Variants in EIF4B observed in about 807,000 individuals in gnomAD.
EIF4B encodes eukaryotic translation initiation factor 4B.
EIF4B carries 8 observed loss-of-function variants against 79.3 expected under a neutral mutation model. That is an observed-to-expected ratio of 0.10 (90% CI 0.06 to 0.18). The LOEUF is 0.18. Ranked by LOEUF, EIF4B falls within the 10% of genes least tolerant of loss-of-function variation. The probability of loss-of-function intolerance (pLI) is 1.00; values close to 1 mark genes in which losing one functional copy is unlikely to be tolerated. For missense variants in EIF4B, 515 were observed against 792.4 expected, an observed-to-expected ratio of 0.65 and a Z score of 4.20; for synonymous variants, 238 against 274.7, an observed-to-expected ratio of 0.87 and a Z score of 1.32.
chr12:53,022,744 TA>T (rs1451531997), intron 6 of EIF4B, 117 bp downstream of exon 6: 1 of 1,305,880 alleles, frequency 7.7e-7, no homozygotes, highest in African/African-American at 1.5e-5. Flanking sequence ...GAAAGCAGAT[TA>T]AGAAAAATTT....
At chr12:53,032,463 A>G (rs1179696220) in intron 8 of EIF4B, among the ~76,000 whole-genome samples, 2 of 152,140 alleles carry the variant, frequency 1.3e-5, no homozygotes, top group African/African-American at 4.8e-5. Flanking sequence ...CTTCCCTATC[A>G]TATTGTATTA....
chr12:53,019,433 A>ATTTTTTTTTTTTCTTTTTTTT (rs1565586158), intron 3 of EIF4B, among the ~76,000 whole-genome samples: 1 of 32,910 alleles, frequency 3.0e-5, no homozygotes. Context: ...TTATATATAT[A>ATTTTTTTTTTTTCTTTTTTTT]TATATTTTTT....
chr12:53,039,353 TTC>T lies in EIF4B; in HGVS notation c.1682+14_1682+15del, dbSNP rs1943591634. The T allele has an allele frequency of 2.6e-6, 4 of 1,561,412 alleles. No individual in the cohort carries two copies. The highest frequency in any genetic ancestry group is 3.5e-6 in the Non-Finnish European group (4 of 1,143,554). On this transcript the variant is annotated intron_variant, in intron 13 of 14. Coordinates refer to ENST00000262056, the MANE Select transcript of EIF4B (RefSeq NM_001417.7). ...GGAAGGAGTCAGATAGGTATGCTTG[TTC>T]TCTTTCTCATCTTTCCTCTGATCCA...
At position 53,037,863 on chromosome 12, in the gene EIF4B, A is replaced by G. The variant is rs1034919629; in HGVS notation, c.1520+241A>G. ...AGTACTAATGCCGCACAAATCTGCAAATACTGTAAGTCAGAGGCTTCCCTT... is the reference window on the plus strand; with the variant it reads ...AGTACTAATGCCGCACAAATCTGCAGATACTGTAAGTCAGAGGCTTCCCTT... On this transcript the variant is annotated intron_variant, in intron 11 of 14. Coordinates refer to ENST00000262056, the MANE Select transcript of EIF4B (RefSeq NM_001417.7). The G allele has an allele frequency of 2.6e-5, 14 of 543,936 alleles. No homozygotes were observed. The Admixed American group carries it at 3.5e-4, about 14-fold the overall frequency. The allele number at this position is 543,936 out of a possible 1,614,324, so 33.7% of individuals were successfully genotyped here. A position where few individuals can be genotyped will look rare whatever the true frequency, so the allele number is the denominator to read the frequency against.
intron 8 of EIF4B, among the ~76,000 whole-genome samples, chr12:53,028,402 C>T (rs1412829594): frequency 1.3e-5 from 2 of 151,844 alleles, no homozygotes; most frequent in Non-Finnish European, 2.9e-5. Flanking sequence ...GGTGAAACCC[C>T]GTCTCTACCA....
In EIF4B at chr12:53,033,656, C is replaced by T. The variant is rs186270694; in HGVS notation, c.980-150C>T. The T allele has an allele frequency of 1.0e-4, 88 of 875,262 alleles. No individual in the cohort carries two copies. In the African/African-American group the frequency reaches 1.4e-3, roughly 14 times the overall value. 54.2% of individuals were successfully genotyped at this position (875,262 alleles called of 1,614,324 possible). A position where few individuals can be genotyped will look rare whatever the true frequency, so the allele number is the denominator to read the frequency against. ...ATGCCCAGCCTAAACTACCTGTTTT[C>T]TAATGATCTATTTGCCTTCTGTGGA... On this transcript the variant is annotated intron_variant, in intron 8 of 14. Coordinates refer to ENST00000262056, the MANE Select transcript of EIF4B (RefSeq NM_001417.7).
At chr12:53,027,137 A>ATTATTATTATTATTATTATTTTTTTTT (rs1943349413) in intron 6 of EIF4B, among the ~76,000 whole-genome samples, 11 of 25,744 alleles carry the variant, frequency 4.3e-4, no homozygotes, top group African/African-American at 9.0e-4. Flanking sequence ...AAAAAAAAAA[A>ATTATTATTATTATTATTATTTTTTTTT]TTTTTTTTTT....
chr12:53,019,444 T>TTTC (rs1943207579), intron 3 of EIF4B, among the ~76,000 whole-genome samples: 6 of 102,028 alleles, frequency 5.9e-5, no homozygotes, highest in East Asian at 3.7e-4. Flanking sequence ...TATATTTTTT[T>TTTC]TTTTTCTTTT....
At chr12:53,034,781 G>GA in intron 10 of EIF4B, 72 bp downstream of exon 10, 1 of 1,527,770 alleles carries the variant, frequency 6.5e-7, no homozygotes, top group Non-Finnish European at 9.1e-7. Flanking sequence ...ATTATGCAGA[G>GA]ACCCTGCAAT....
intron 3 of EIF4B, among the ~76,000 whole-genome samples, chr12:53,019,450 C>CTTTTTCTTTTTTTTTT (rs1943208582): frequency 1.5e-5 from 1 of 65,998 alleles, no homozygotes; most frequent in Non-Finnish European, 3.1e-5. Context: ...TTTTTTTTTT[C>CTTTTTCTTTTTTTTTT]TTTTTTTTTT....
chr12:53,019,686 T>C (rs540747724), intron 3 of EIF4B, among the ~76,000 whole-genome samples: 177 of 149,684 alleles, frequency 1.2e-3, no homozygotes, highest in African/African-American at 4.2e-3. Flanking sequence ...TTTTTTTTTT[T>C]TTTTTTAGAG....
rs1565594315 is a variant in EIF4B at position 53,039,654 on chromosome 12, C to T, written c.1707C>T (p.Asp569=). The T allele has an allele frequency of 1.2e-6, 2 of 1,613,812 alleles. No individual in the cohort carries two copies. The highest frequency in any genetic ancestry group is 8.5e-7 in the Non-Finnish European group (1 of 1,179,828). The change falls in exon 14 of 15, where the codon GAC becomes GAT. Residue 569 remains aspartate (D), a synonymous_variant. Transcript: ENST00000262056. ...SDRKDGKKDQ[D]SRSAPEPKKP... ...GGAAAGATGGCAAAAAGGATCAAGACTCCAGATCTGCACCTGAGCCAAAGA... is the reference window on the plus strand; with the variant it reads ...GGAAAGATGGCAAAAAGGATCAAGATTCCAGATCTGCACCTGAGCCAAAGA...
rs1302962233 is a variant in EIF4B at position 53,037,440 on chromosome 12, A to G, written c.1338A>G (p.Leu446=). ...NARRRESEKS[L]ENETLNKEED... ...GAAGGAGAGAGAGTGAGAAGTCTCTAGAAAATGAAACACTCAATAAGGAGG... is the reference window on the plus strand; with the variant it reads ...GAAGGAGAGAGAGTGAGAAGTCTCTGGAAAATGAAACACTCAATAAGGAGG... Residue 446 remains leucine, a synonymous_variant, in exon 11 of 15, where the codon CTA becomes CTG. Transcript: ENST00000262056. 1 of 1,612,766 alleles carries G rather than the reference A, an allele frequency of 6.2e-7. No homozygotes were observed. Among genetic ancestry groups the G allele is most frequent in the Non-Finnish European group, 8.5e-7 (1 of 1,179,668 alleles).
intron 9 of EIF4B, among the ~76,000 whole-genome samples, chr12:53,034,362 G>A (rs999827964): frequency 5.9e-5 from 9 of 152,188 alleles, no homozygotes; most frequent in Admixed American, 2.0e-4. Flanking sequence ...GTGTTGATTA[G>A]TAAAGAAGGG....
intron 8 of EIF4B, among the ~76,000 whole-genome samples, chr12:53,032,727 G>A (rs1452724354): frequency 6.6e-6 from 1 of 150,466 alleles, no homozygotes; most frequent in Non-Finnish European, 1.5e-5. Context: ...GAGTGCAGTG[G>A]TGTGTTCTCA....
intron 2 of EIF4B, among the ~76,000 whole-genome samples, 179 bp from the exon 3 acceptor site, chr12:53,018,619 A>T (rs1277722398): frequency 6.6e-6 from 1 of 152,212 alleles, no homozygotes; most frequent in Non-Finnish European, 1.5e-5. Flanking sequence ...TTAAGGTGTC[A>T]TAATTAATCT....
Position 53,027,999 on chromosome 12 carries a change from T to A in EIF4B, c.806-16T>A, listed in dbSNP as rs189130986. 1 of 1,607,832 alleles carries A rather than the reference T, an allele frequency of 6.2e-7. No homozygotes were observed. The highest frequency in any genetic ancestry group is 2.2e-5 in the East Asian group (1 of 44,766). The stretch of plus-strand genomic sequence containing the variant: ...CCCCTCCGCTGTGATGATTATAATT[T>A]GGGATATATTTACAGGCTATGATTC... On this transcript the variant is annotated splice_polypyrimidine_tract_variant and intron_variant, in intron 7 of 14. Transcript: ENST00000262056.
Position 53,038,413 on chromosome 12 carries a change from T to C in EIF4B, c.1576+2T>C. 1 of 1,597,216 alleles carries C rather than the reference T, an allele frequency of 6.3e-7. No homozygotes were observed. Among genetic ancestry groups the C allele is most frequent in the Non-Finnish European group, 8.5e-7 (1 of 1,171,890 alleles). On this transcript the variant is annotated splice_donor_variant, in intron 12 of 14. Coordinates refer to ENST00000262056, the MANE Select transcript of EIF4B (RefSeq NM_001417.7). LOFTEE classifies it high-confidence loss of function. ...CTGAGGAAGGACCAGGAAGGAAAGG[T>C]GAGCTCATAGTATGGGAAATAGGTT...
chr12:53,022,466 A>T, intron 5 of EIF4B, 27 bp from the exon 6 acceptor site: 1 of 1,608,154 alleles, frequency 6.2e-7, no homozygotes, highest in Non-Finnish European at 8.5e-7. Flanking sequence ...GAGATAACTT[A>T]CGGTTTTTGT....
Sources: gnomAD v4.1 joint callset for allele counts (sites outside exome capture counted in the v4.1 genomes callset) on GRCh38, gnomAD v4.1.1 for gene constraint, MANE v1.5 for transcripts, NCBI Gene and HGNC (gene_info 2026-07-23, HGNC 2026-07-21) for gene names.